Variants in USP43 observed in about 807,000 individuals in gnomAD.
The protein encoded by USP43 is ubiquitin carboxyl-terminal hydrolase 43.
Under a neutral mutation model 90.7 loss-of-function variants are expected in USP43, and 33 were observed. The observed-to-expected ratio is 0.36, with a 90% CI of 0.28 to 0.49. The LOEUF is 0.49. USP43 is among the 20% of genes least tolerant of loss of function. The probability of loss-of-function intolerance (pLI) is 0.98; values close to 1 mark genes in which losing one functional copy is unlikely to be tolerated. For missense variants in USP43, 1,274 were observed against 1,476.4 expected (o/e 0.86, Z 2.25); for synonymous variants, 598 against 615.8 (o/e 0.97, Z 0.43).
At chr17:9,714,682 C>CAA (rs34258688) in intron 14 of USP43, among the ~76,000 whole-genome samples, 6,003 of 69,860 alleles carry the variant, frequency 0.086, 248 homozygotes, top group East Asian at 0.14. Context: ...GACTCCATCT[C>CAA]AAAAAAAAAA....
At chr17:9,659,426 G>A (rs911640595) in intron 2 of USP43, among the ~76,000 whole-genome samples, 1 of 152,178 alleles carries the variant, frequency 6.6e-6, no homozygotes, top group Non-Finnish European at 1.5e-5. Flanking sequence ...GGTGGAGATA[G>A]AATTGAACCT....
rs536343425 is a variant in USP43, at chr17:9,700,979, C to T, written c.1536-140C>T. On this transcript the variant is annotated intron_variant, in intron 10 of 14. Coordinates refer to ENST00000285199, the MANE Select transcript of USP43 (RefSeq NM_153210.5). ...TGCTGAGTCAGAAGGATGCCTGCAGCTCTCCAGGAACCCATAGGCAGGGCA... is the reference window on the plus strand; with the variant it reads ...TGCTGAGTCAGAAGGATGCCTGCAGTTCTCCAGGAACCCATAGGCAGGGCA... The T allele has an allele frequency of 4.0e-5, 42 of 1,042,278 alleles. No homozygotes were observed. In the African/African-American group the frequency reaches 6.0e-4, roughly 15 times the overall value. The allele number at this position is 1,042,278 out of a possible 1,614,324, so 64.6% of individuals were successfully genotyped here. A position where few individuals can be genotyped will look rare whatever the true frequency, so the allele number is the denominator to read the frequency against.
intron 2 of USP43, among the ~76,000 whole-genome samples, chr17:9,665,495 T>G (rs941088218): frequency 6.6e-6 from 1 of 151,998 alleles, no homozygotes; most frequent in African/African-American, 2.4e-5. Context: ...CCATCAGATC[T>G]CATGAGAACT....
chr17:9,692,190 C>G (rs756134653), intron 8 of USP43, among the ~76,000 whole-genome samples: 5 of 151,882 alleles, frequency 3.3e-5, no homozygotes, highest in African/African-American at 7.3e-5. Context: ...GAAACCCCAT[C>G]TCTACTAAAA....
chr17:9,689,281 G>A (rs1914787641), intron 8 of USP43, among the ~76,000 whole-genome samples: 1 of 152,098 alleles, frequency 6.6e-6, no homozygotes, highest in Non-Finnish European at 1.5e-5. Flanking sequence ...TAAACATATT[G>A]TATTGAAGGT....
intron 3 of USP43, among the ~76,000 whole-genome samples, chr17:9,670,573 T>C (rs1913346545): frequency 6.6e-6 from 1 of 151,976 alleles, no homozygotes; most frequent in African/African-American, 2.4e-5. Context: ...GGGTGAGGGG[T>C]AGAGGAACTA....
At chr17:9,668,983 G>C (rs1403210231) in intron 3 of USP43, among the ~76,000 whole-genome samples, 1 of 151,630 alleles carries the variant, frequency 6.6e-6, no homozygotes, top group African/African-American at 2.4e-5. Flanking sequence ...TTACAGGTGC[G>C]TGCCACCATG....
intron 6 of USP43, among the ~76,000 whole-genome samples, chr17:9,681,462 T>TTTTATATATATATATATA (rs1491455898): frequency 1.6e-4 from 3 of 18,582 alleles, no homozygotes; most frequent in African/African-American, 5.2e-4. Flanking sequence ...ATAAAATATA[T>TTTTATATATATATATATA]TATATATATA....
Position 9,680,295 on chromosome 17 carries a change from A to C in USP43, c.1034A>C (p.Asn345Thr). 1 of 1,613,966 alleles carries C rather than the reference A, an allele frequency of 6.2e-7. No homozygotes were observed. Among genetic ancestry groups the C allele is most frequent in the Non-Finnish European group, 8.5e-7 (1 of 1,179,870 alleles). ...QRSFFDEEDL[N>T]TIAEGDNVYA... ...TCTTTCTTTGATGAAGAGGACCTGA[A>C]TACCATCGCAGAGGGAGATAATGTG... The change falls in exon 6 of 15, where the codon AAT becomes ACT. Residue 345 changes from asparagine to threonine, a missense_variant. This residue lies in a region of USP43 where 253 missense variants were observed against 276.0 expected (regional missense o/e 0.92). Transcript: ENST00000285199.
At position 9,656,308 on chromosome 17, in the gene USP43, A is replaced by G. The variant is rs1912239421; in HGVS notation, c.505-95A>G. ...GTGCTGTCATCCCAGGTCAGGGCTG[A>G]ATAATGACCACTTGGTAGACCTGGT... On this transcript the variant is annotated intron_variant, in intron 1 of 14. Transcript: ENST00000285199. The G allele has an allele frequency of 2.0e-6, 3 of 1,478,828 alleles. No individual in the cohort carries two copies. In the African/African-American group the frequency reaches 4.2e-5, roughly 21 times the overall value. The allele number at this position is 1,478,828 out of a possible 1,614,324, so 91.6% of individuals were successfully genotyped here.
At chr17:9,671,565 G>A (rs1388906112) in intron 3 of USP43, among the ~76,000 whole-genome samples, 1 of 152,202 alleles carries the variant, frequency 6.6e-6, no homozygotes, top group African/African-American at 2.4e-5. Context: ...TCTTTGGTGG[G>A]CGTTTGTAGC....
rs1244412116 is a variant in USP43, at chr17:9,645,843, G to A, written c.211G>A (p.Ala71Thr). 4 of 1,404,414 alleles carry A rather than the reference G, an allele frequency of 2.8e-6. No individual in the cohort carries two copies. The highest frequency in any genetic ancestry group is 1.8e-6 in the Non-Finnish European group (2 of 1,085,448). The allele number at this position is 1,404,414 out of a possible 1,614,324, so 87.0% of individuals were successfully genotyped here. A position where few individuals can be genotyped will look rare whatever the true frequency, so the allele number is the denominator to read the frequency against. The change falls in exon 1 of 15, where the codon GCC becomes ACC. Residue 71 changes from alanine to threonine, a missense_variant. Around this residue, in one of 6 missense-constraint regions of USP43, gnomAD observed 259 missense variants for 373.7 expected, o/e 0.69. Transcript: ENST00000285199. This position sits in a 1 kb window ranked among gnomAD's most constrained non-coding sequence, Gnocchi z 6.8. ...CTGCGCCCCGGGCCCAGTTCCAGCG[G>A]CCCCCGGGAGCCCCGGGGAGGAACG... ...FACAPGPVPA[A>T]PGSPGEERPP...
At chr17:9,703,895 C>G (rs377779) in intron 12 of USP43, among the ~76,000 whole-genome samples, 22,439 of 152,152 alleles carry the variant, frequency 0.15, 2,001 homozygotes, top group African/African-American at 0.24. Flanking sequence ...CAACTCCCTC[C>G]TTTAGGTGAA....
intron 14 of USP43, among the ~76,000 whole-genome samples, chr17:9,715,773 CTATGTGTGTGTCTCTG>C (rs1381711663): frequency 4.8e-5 from 6 of 124,200 alleles, no homozygotes; most frequent in African/African-American, 1.7e-4. Context: ...GTGTTTGTGT[CTATGTGTGTGTCTCTG>C]TGTGTGTGTG....
At chr17:9,675,476 G>A (rs373231644) in intron 4 of USP43, among the ~76,000 whole-genome samples, 19 of 152,280 alleles carry the variant, frequency 1.2e-4, no homozygotes, top group African/African-American at 4.6e-4. Flanking sequence ...GGCACCATGG[G>A]CCGAGTTCTA....
chr17:9,717,387 G>GTGTGTA (rs1916648512), intron 14 of USP43, among the ~76,000 whole-genome samples: 1 of 151,860 alleles, frequency 6.6e-6, no homozygotes, highest in Non-Finnish European at 1.5e-5. Flanking sequence ...GTGTGTGTGT[G>GTGTGTA]TGTGTATTCA....
At chr17:9,691,433 G>T (rs890827055) in intron 8 of USP43, among the ~76,000 whole-genome samples, 5 of 151,972 alleles carry the variant, frequency 3.3e-5, no homozygotes, top group Admixed American at 2.6e-4. Context: ...CATTTTTAAG[G>T]CTAAATAATA....
chr17:9,676,815 G>A lies in USP43; in HGVS notation c.903G>A (p.Pro301=), dbSNP rs371524163. The A allele has an allele frequency of 1.9e-5, 31 of 1,613,996 alleles. No homozygotes were observed. The East Asian group carries it at 4.0e-4, about 21-fold the overall frequency. The change falls in exon 5 of 15, where the codon CCG becomes CCA. Residue 301 remains proline, a synonymous_variant. Coordinates refer to ENST00000285199, the MANE Select transcript of USP43 (RefSeq NM_153210.5). ...TCCTGCGGGTTGGCCTGGCCGTGCCGATCCTCAGCACAGTGGCAGCCCTGA... is the reference window on the plus strand; with the variant it reads ...TCCTGCGGGTTGGCCTGGCCGTGCCAATCCTCAGCACAGTGGCAGCCCTGA... ...QRFLRVGLAV[P]ILSTVAALRK...
At position 9,699,774 on chromosome 17, in the gene USP43, A is replaced by G. The variant is rs142787773; in HGVS notation, c.1458-398A>G. On this transcript the variant is annotated intron_variant, in intron 9 of 14. Transcript: ENST00000285199. The stretch of plus-strand genomic sequence containing the variant: ...GGGGGCTTAAAGGTGCTCCTTCTGC[A>G]TTGCAGTTGGGGGAAAGGTAGCAGC... Among the ~76,000 whole-genome samples, 586 of 152,266 alleles carry G rather than the reference A, an allele frequency of 3.8e-3. 7 individuals are homozygous for G. The highest frequency in any genetic ancestry group is 0.013 in the African/African-American group (559 of 41,562).
Sources: allele counts gnomAD v4.1 joint callset (sites outside exome capture counted in the v4.1 genomes callset), GRCh38; gene constraint gnomAD v4.1.1; regional missense constraint gnomAD v4.1.1; non-coding constraint Gnocchi (gnomAD v3.1); transcripts MANE v1.5; gene names NCBI Gene and HGNC (gene_info 2026-07-23, HGNC 2026-07-21).